Variants in ACAA2 observed in about 807,000 individuals in gnomAD.
ACAA2 encodes the protein acetyl-CoA acyltransferase 2, also known as 3-ketoacyl-CoA thiolase, mitochondrial.
A neutral mutation model predicts 44.8 loss-of-function variants in ACAA2; 35 were observed. That is an observed-to-expected ratio of 0.78 (90% CI 0.60 to 1.04). The LOEUF is 1.04. Ranked by LOEUF, ACAA2 falls within the 50% of genes least tolerant of loss-of-function variation. The probability of loss-of-function intolerance (pLI) is 0.00; values close to 1 mark genes in which losing one functional copy is unlikely to be tolerated. For synonymous variants in ACAA2, 142 were observed against 166.5 expected, an observed-to-expected ratio of 0.85 and a Z score of 1.13; for missense variants, 468 against 482.6, an observed-to-expected ratio of 0.97 and a Z score of 0.28.
Position 49,783,778 on chromosome 18 carries a change from A to C in ACAA2, c.*69T>G. On this transcript the variant is annotated 3_prime_UTR_variant, in exon 10 of 10. Transcript: ENST00000285093. Reference sequence around the variant, plus strand: ...TGGCCAGTTGTGGCAGCTGCTCTGAAGGTCACTTGTTTTACTGTGGCCTGG... The same window carrying C: ...TGGCCAGTTGTGGCAGCTGCTCTGACGGTCACTTGTTTTACTGTGGCCTGG... The C allele has an allele frequency of 7.6e-7, 1 of 1,324,360 alleles. No individual in the cohort carries two copies. Among genetic ancestry groups the C allele is most frequent in the Non-Finnish European group, 1.1e-6 (1 of 926,022 alleles). 82.0% of individuals were successfully genotyped at this position (1,324,360 alleles called of 1,614,324 possible).
intron 4 of ACAA2, 149 bp from the exon 5 acceptor site, chr18:49,794,576 A>AT: frequency 3.2e-6 from 2 of 626,668 alleles, no homozygotes; most frequent in Non-Finnish European, 2.4e-6. Flanking sequence ...GTTATGGGAT[A>AT]TTTTTTAAAA....
rs1297566965 is a variant in ACAA2, at chr18:49,783,881, T to C, written c.1160A>G (p.Gln387Arg). 2.5e-6 allele frequency: 4 copies of C among 1,614,030 alleles called. No individual in the cohort carries two copies. Among genetic ancestry groups the C allele is most frequent in the Non-Finnish European group, 3.4e-6 (4 of 1,180,006 alleles). The part of the protein sequence containing the change: ...AVGSACIGGG[Q>R]GIAVIIQSTA ...GCTCTGAATGATGACAGCAATACCT[T>C]GGCCACCTCCAATGCAAGCTGATCC... is the stretch of plus-strand genomic sequence containing the variant. The change falls in exon 10 of 10, where the codon CAA becomes CGA. Residue 387 changes from glutamine (Q) to arginine (R), a missense_variant. Coordinates refer to ENST00000285093, the MANE Select transcript of ACAA2 (RefSeq NM_006111.3).
chr18:49,782,170 G>A lies in ACAA2; in HGVS notation c.*1677C>T, dbSNP rs892703228. On this transcript the variant is annotated 3_prime_UTR_variant, in exon 10 of 10. Coordinates refer to ENST00000285093, the MANE Select transcript of ACAA2 (RefSeq NM_006111.3). ...GAATATGTAAAAAACAAAATGTTCTGCAAAACATTGTTTTATTATGAGAAA... is the reference window on the plus strand; with the variant it reads ...GAATATGTAAAAAACAAAATGTTCTACAAAACATTGTTTTATTATGAGAAA... The A allele has an allele frequency of 1.3e-5, 2 of 152,068 alleles. No individual in the cohort carries two copies. The highest frequency in any genetic ancestry group is 1.3e-4 in the Admixed American group (2 of 15,270). The allele number at this position is 152,068 out of a possible 1,614,324, so 9.4% of individuals were successfully genotyped here. A position where few individuals can be genotyped will look rare whatever the true frequency, so the allele number is the denominator to read the frequency against.
chr18:49,795,876 A>T lies in ACAA2; in HGVS notation c.318T>A (p.Ile106=). The change falls in exon 4 of 10, where the codon ATT becomes ATA. Residue 106 remains isoleucine (I), a synonymous_variant. Transcript: ENST00000285093. The stretch of plus-strand genomic sequence containing the variant: ...AAACAACTTCAGCTTCTTTAACACA[A>T]ATTTCCTATTTAAAAACAAACAGTA... ...FQSIVNGCQE[I]CVKEAEVVLC... The T allele has an allele frequency of 2.5e-6, 4 of 1,606,206 alleles. No homozygotes were observed. Among genetic ancestry groups the T allele is most frequent in the Non-Finnish European group, 3.4e-6 (4 of 1,174,734 alleles).
At chr18:49,805,701 CAA>C (rs1263050905) in intron 1 of ACAA2, among the ~76,000 whole-genome samples, 1 of 152,068 alleles carries the variant, frequency 6.6e-6, no homozygotes, top group Non-Finnish European at 1.5e-5. Flanking sequence ...CTCAGCCTCC[CAA>C]GTAGGTAGGA....
Position 49,795,772 on chromosome 18 carries a change from T to C in ACAA2, c.422A>G (p.Asp141Gly). 6.3e-7 allele frequency: 1 copy of C among 1,597,870 alleles called. No homozygotes were observed. Among genetic ancestry groups the C allele is most frequent in the Non-Finnish European group, 8.5e-7 (1 of 1,170,856 alleles). ...AATTTTTATGGTTCCAACCTTGATA[T>C]CTGATCCAAGCTTGGTTCCAAAACG... ...NVRFGTKLGSDIKLEDSLWVS... is the reference protein window; with the variant it reads ...NVRFGTKLGSGIKLEDSLWVS... Residue 141 changes from aspartate to glycine, a missense_variant, in exon 4 of 10, where the codon GAT becomes GGT. Transcript: ENST00000285093.
At position 49,792,314 on chromosome 18, in the gene ACAA2, G is replaced by A; in HGVS notation, c.591C>T (p.Gly197=). ...TTGGTGCCATTTCATCATTAAAGTA[G>A]CCAGCATCATTAGCTGAAAAATAGT... The part of the protein sequence containing the change: ...QQRWKAANDA[G]YFNDEMAPIE... The change falls in exon 6 of 10, where the codon GGC becomes GGT. Residue 197 remains glycine, a synonymous_variant. Transcript: ENST00000285093. 2 of 1,613,072 alleles carry A rather than the reference G, an allele frequency of 1.2e-6. No individual in the cohort carries two copies. Among genetic ancestry groups the A allele is most frequent in the Non-Finnish European group, 1.7e-6 (2 of 1,179,430 alleles).
In ACAA2 at chr18:49,783,599, C is replaced by T. The variant is rs2023291085; in HGVS notation, c.*248G>A. The T allele has an allele frequency of 5.0e-6, 2 of 399,068 alleles. No homozygotes were observed. Among genetic ancestry groups the T allele is most frequent in the Non-Finnish European group, 9.3e-6 (2 of 215,720 alleles). The allele number at this position is 399,068 out of a possible 1,614,324, so 24.7% of individuals were successfully genotyped here. ...GCAAGAATACGATTTCTTTTAATGT[C>T]TTCTATAGTTGAGTTTTAGCTCAGA... On this transcript the variant is annotated 3_prime_UTR_variant, in exon 10 of 10. Transcript: ENST00000285093.
chr18:49,803,444 G>A (rs1285693968), intron 1 of ACAA2, among the ~76,000 whole-genome samples: 1 of 152,092 alleles, frequency 6.6e-6, no homozygotes, highest in East Asian at 1.9e-4. Flanking sequence ...ACCCCTTAGA[G>A]TTGTAAGCCC....
intron 3 of ACAA2, among the ~76,000 whole-genome samples, chr18:49,796,601 C>A (rs1205663946): frequency 6.6e-6 from 1 of 152,158 alleles, no homozygotes; most frequent in Non-Finnish European, 1.5e-5. Context: ...ATGTATTTAA[C>A]CAACTGTCCT....
At position 49,792,221 on chromosome 18, in the gene ACAA2, G is replaced by C. The variant is rs762337379; in HGVS notation, c.684C>G (p.Thr228=). ...QVDEHARPQT[T]LEQLQKLPPV... The stretch of plus-strand genomic sequence containing the variant: ...GAGGAAGTTTCTGTAACTGTTCCAG[G>C]GTGGTTTGGGGCCGAGCATGCTCGT... The change falls in exon 6 of 10, where the codon ACC becomes ACG. Residue 228 remains threonine, a synonymous_variant. Coordinates refer to ENST00000285093, the MANE Select transcript of ACAA2 (RefSeq NM_006111.3). 1 of 1,614,024 alleles carries C rather than the reference G, an allele frequency of 6.2e-7. No homozygotes were observed. Among genetic ancestry groups the C allele is most frequent in the Non-Finnish European group, 8.5e-7 (1 of 1,179,964 alleles).
intron 1 of ACAA2, among the ~76,000 whole-genome samples, chr18:49,811,826 A>T (rs1019664466): frequency 6.6e-6 from 1 of 152,154 alleles, no homozygotes; most frequent in African/African-American, 2.4e-5. Flanking sequence ...AAAAAATACG[A>T]TCACTAGCTC....
chr18:49,808,990 G>A (rs148352562), intron 1 of ACAA2, among the ~76,000 whole-genome samples: 1,649 of 152,140 alleles, frequency 0.011, 40 homozygotes, highest in African/African-American at 0.037. Context: ...AACCGCATAA[G>A]ACAGACACTC....
chr18:49,784,492 G>C (rs1216520159), intron 9 of ACAA2, among the ~76,000 whole-genome samples: 1 of 151,900 alleles, frequency 6.6e-6, no homozygotes, highest in African/African-American at 2.4e-5. Flanking sequence ...TGATGACTTC[G>C]AGAAAATTAT....
chr18:49,784,257 G>C (rs1252170212), intron 9 of ACAA2, among the ~76,000 whole-genome samples: 1 of 152,196 alleles, frequency 6.6e-6, no homozygotes, highest in African/African-American at 2.4e-5. Context: ...TACGGGAAAG[G>C]AGTGAGAAGA....
chr18:49,789,451 C>G (rs996283096), intron 7 of ACAA2, among the ~76,000 whole-genome samples: 1 of 152,176 alleles, frequency 6.6e-6, no homozygotes, highest in African/African-American at 2.4e-5. Context: ...CAGCTCTGTT[C>G]AAGCCCCGAG....
Position 49,783,624 on chromosome 18 carries a change from A to G in ACAA2, c.*223T>C, listed in dbSNP as rs2023291397. 1.9e-5 allele frequency: 9 copies of G among 478,714 alleles called. No homozygotes were observed. The South Asian group carries it at 3.3e-4, about 18-fold the overall frequency. 29.7% of individuals were successfully genotyped at this position (478,714 alleles called of 1,614,324 possible). A position where few individuals can be genotyped will look rare whatever the true frequency, so the allele number is the denominator to read the frequency against. ...CTTCTATAGTTGAGTTTTAGCTCAG[A>G]AATACATCATATTTCACTGGTTCAA... On this transcript the variant is annotated 3_prime_UTR_variant, in exon 10 of 10. Coordinates refer to ENST00000285093, the MANE Select transcript of ACAA2 (RefSeq NM_006111.3).
At position 49,783,808 on chromosome 18, in the gene ACAA2, G is replaced by A. The variant is rs1179793742; in HGVS notation, c.*39C>T. On this transcript the variant is annotated 3_prime_UTR_variant, in exon 10 of 10. Coordinates refer to ENST00000285093, the MANE Select transcript of ACAA2 (RefSeq NM_006111.3). ...ACTTGTTTTACTGTGGCCTGGCCAA[G>A]TAGAGTAAGGATGGGTCACAGTGAG... 1.9e-6 allele frequency: 3 copies of A among 1,574,582 alleles called. No individual in the cohort carries two copies. Among genetic ancestry groups the A allele is most frequent in the Non-Finnish European group, 2.6e-6 (3 of 1,146,362 alleles).
chr18:49,782,649 C>G lies in ACAA2; in HGVS notation c.*1198G>C, dbSNP rs987532750. The G allele has an allele frequency of 2.0e-5, 3 of 151,388 alleles. No homozygotes were observed. Among genetic ancestry groups the G allele is most frequent in the African/African-American group, 7.3e-5 (3 of 41,248 alleles). The allele number at this position is 151,388 out of a possible 1,614,324, so 9.4% of individuals were successfully genotyped here. A position where few individuals can be genotyped will look rare whatever the true frequency, so the allele number is the denominator to read the frequency against. On this transcript the variant is annotated 3_prime_UTR_variant, in exon 10 of 10. Coordinates refer to ENST00000285093, the MANE Select transcript of ACAA2 (RefSeq NM_006111.3). ...GGATCACGAGGTCAGGAGATCGAGA[C>G]CATCCTGGCTAACACGGTGAAACCC... is the stretch of plus-strand genomic sequence containing the variant.
Sources: allele counts gnomAD v4.1 joint callset (sites outside exome capture counted in the v4.1 genomes callset), GRCh38; gene constraint gnomAD v4.1.1; transcripts MANE v1.5; gene names NCBI Gene and HGNC (gene_info 2026-07-23, HGNC 2026-07-21).